Variants in FHL1 observed in about 807,000 individuals in gnomAD.
FHL1 encodes four and a half LIM domains 1.
Under a neutral mutation model 20.3 loss-of-function variants are expected in FHL1, and 1 was observed. That is an observed-to-expected ratio of 0.05 (90% CI 0.02 to 0.23). The LOEUF is 0.23. FHL1 is among the 10% of genes least tolerant of loss of function. The pLI is 1.00. For synonymous variants in FHL1, 82 were observed against 88.9 expected (o/e 0.92, Z 0.44); for missense variants, 177 against 234.0 (o/e 0.76, Z 1.59).
chrX:136,185,742 A>G (rs1302017948), intron 2 of FHL1, among the ~76,000 whole-genome samples: 1 of 112,399 alleles, frequency 8.9e-6, no homozygotes, highest in African/African-American at 3.2e-5. Flanking sequence ...GGAAAAAACA[A>G]TGACAGGGTT....
chrX:136,188,124 A>G (rs1005375399), intron 2 of FHL1, among the ~76,000 whole-genome samples: 3 of 112,540 alleles, frequency 2.7e-5, no homozygotes, highest in South Asian at 3.7e-4. Context: ...TATAATGACA[A>G]AGGACTTCAT....
chrX:136,186,382 T>G (rs1354408970), intron 2 of FHL1, among the ~76,000 whole-genome samples: 12 of 111,137 alleles, frequency 1.1e-4, no homozygotes, highest in African/African-American at 3.6e-4. Flanking sequence ...TCAGTAAACT[T>G]TGGTGGGTGC....
chrX:136,190,332 G>A (rs2073403820), intron 2 of FHL1, among the ~76,000 whole-genome samples: 1 of 111,991 alleles, frequency 8.9e-6, no homozygotes, highest in Non-Finnish European at 1.9e-5. Flanking sequence ...TGTTCCTTAA[G>A]TGTCAGCTGT....
intron 2 of FHL1, among the ~76,000 whole-genome samples, chrX:136,187,790 A>T (rs2073345239): frequency 8.9e-6 from 1 of 111,825 alleles, no homozygotes; most frequent in Non-Finnish European, 1.9e-5. Context: ...AATGATTGAT[A>T]TACATTATGA....
chrX:136,206,973 C>G (rs1322202739), intron 2 of FHL1, 43 bp from the exon 3 acceptor site: 1 of 1,202,380 alleles, frequency 8.3e-7, no homozygotes, highest in East Asian at 3.0e-5. Flanking sequence ...CCACCACCCC[C>G]AGCACCCCTC....
At chrX:136,205,058 T>G (rs2073806289) in intron 1 of FHL1, 1 of 112,542 alleles carries the variant, frequency 8.9e-6, no homozygotes, top group Non-Finnish European at 1.9e-5. Context: ...TCTCAATTCT[T>G]GTATTTCCTG....
intron 1 of FHL1, among the ~76,000 whole-genome samples, chrX:136,158,639 C>T (rs187060815): frequency 8.7e-4 from 97 of 111,433 alleles, no homozygotes; most frequent in African/African-American, 3.1e-3. Flanking sequence ...CTCCTGTGAT[C>T]CAACACTTTT....
chrX:136,186,481 T>C (rs961561650), intron 2 of FHL1, among the ~76,000 whole-genome samples: 1 of 111,565 alleles, frequency 9.0e-6, no homozygotes, highest in African/African-American at 3.3e-5. Flanking sequence ...TTAGTGCTGC[T>C]GATCTCTTTT....
At chrX:136,202,553 C>G (rs749145724) in intron 1 of FHL1, among the ~76,000 whole-genome samples, 16 of 111,078 alleles carry the variant, frequency 1.4e-4, no homozygotes, top group African/African-American at 4.6e-4. Context: ...GTCAGGAGAT[C>G]GAGACCATCC....
At chrX:136,187,928 C>T (rs926076115) in intron 2 of FHL1, among the ~76,000 whole-genome samples, 1 of 111,903 alleles carries the variant, frequency 8.9e-6, no homozygotes, top group Non-Finnish European at 1.9e-5. Context: ...CTCCTGGCTT[C>T]AAGCAATCCT....
chrX:136,188,080 T>C (rs1302279315), intron 2 of FHL1, among the ~76,000 whole-genome samples: 1 of 112,131 alleles, frequency 8.9e-6, no homozygotes, highest in African/African-American at 3.2e-5. Context: ...ACCTAAGAAA[T>C]GTTTTTATTC....
chrX:136,208,027 C>G, intron 4 of FHL1, 66 bp downstream of exon 4: 2 of 1,094,625 alleles, frequency 1.8e-6, no homozygotes, highest in Admixed American at 4.4e-5. Flanking sequence ...TTGCAGAGCA[C>G]TTCCACACAC....
At chrX:136,183,953 C>A (rs1415565990) in intron 2 of FHL1, among the ~76,000 whole-genome samples, 2 of 111,550 alleles carry the variant, frequency 1.8e-5, no homozygotes, top group Non-Finnish European at 3.8e-5. Flanking sequence ...TATTTGGTAG[C>A]ATTTAAGGAC....
intron 2 of FHL1, among the ~76,000 whole-genome samples, chrX:136,176,684 AAAT>A (rs1370426949): frequency 1.8e-5 from 2 of 111,350 alleles, no homozygotes; most frequent in African/African-American, 3.3e-5. Context: ...ACTTAAGTAA[AAAT>A]AATGGCAAGT....
chrX:136,180,612 A>G (rs2073129022), intron 2 of FHL1, among the ~76,000 whole-genome samples: 1 of 112,690 alleles, frequency 8.9e-6, no homozygotes, highest in South Asian at 3.7e-4. Context: ...TTTGAATTAT[A>G]CTTTCGCAAG....
At chrX:136,202,488 G>A (rs967072073) in intron 1 of FHL1, among the ~76,000 whole-genome samples, 2 of 111,990 alleles carry the variant, frequency 1.8e-5, no homozygotes, top group African/African-American at 6.5e-5. Context: ...TCTCAGGTGC[G>A]GTGGCTCACG....
rs151105425 is a variant in FHL1 at position 136,155,799 on chromosome X, A to G, written c.-101+8171A>G. On this transcript the variant is annotated intron_variant, in intron 1 of 7. Coordinates refer to the FHL1 transcript ENST00000394155. Reference sequence around the variant, plus strand: ...AGGAAATACCTGTGGACTGTTTGAAATGCAGTGAAACCTAGAAAAAAAAAA... The same window carrying G: ...AGGAAATACCTGTGGACTGTTTGAAGTGCAGTGAAACCTAGAAAAAAAAAA... Among the ~76,000 whole-genome samples the G allele has an allele frequency of 6.1e-4, 52 of 85,691 alleles. No individual in the cohort carries two copies. In the East Asian group the frequency reaches 0.018, roughly 30 times the overall value. The allele number at this position is 85,691 out of a possible 115,157, so 74.4% of individuals were successfully genotyped here.
At chrX:136,166,076 G>A (rs939955704), upstream of FHL1, among the ~76,000 whole-genome samples, 4 of 111,929 alleles carry the variant, frequency 3.6e-5, no homozygotes, top group Admixed American at 1.9e-4. Context: ...TGTTGTCAAC[G>A]TAATTTATAT....
At chrX:136,207,219 C>T in intron 3 of FHL1, 29 bp downstream of exon 3, 1 of 1,183,976 alleles carries the variant, frequency 8.4e-7, no homozygotes, top group Non-Finnish European at 1.1e-6. Context: ...CCCGGGTTCC[C>T]AGGGAGGAGG....
Sources: gnomAD v4.1 joint callset for allele counts (sites outside exome capture counted in the v4.1 genomes callset) on GRCh38, gnomAD v4.1.1 for gene constraint, MANE v1.5 for transcripts, NCBI Gene and HGNC (gene_info 2026-07-23, HGNC 2026-07-21) for gene names.